STK3: variants seen among roughly 807,000 people sequenced by gnomAD.
STK3 encodes serine/threonine kinase 3.
STK3 carries 41 observed loss-of-function variants against 58.0 expected under a neutral mutation model. The observed-to-expected ratio is 0.71, with a 90% CI of 0.55 to 0.92. The LOEUF is 0.92. Ranked by LOEUF, STK3 falls within the 40% of genes least tolerant of loss-of-function variation. The pLI, the probability that STK3 is intolerant of heterozygous loss-of-function variation, is 0.00. For synonymous variants in STK3, 170 were observed against 191.0 expected, an observed-to-expected ratio of 0.89 and a Z score of 0.91; for missense variants, 479 against 602.7, an observed-to-expected ratio of 0.79 and a Z score of 2.15.
At chr8:98,645,922 A>C (rs1261733397) in intron 6 of STK3, among the ~76,000 whole-genome samples, 1 of 151,990 alleles carries the variant, frequency 6.6e-6, no homozygotes. Flanking sequence ...CCCACCTCGA[A>C]CTCCCAAAGT....
chr8:98,788,399 C>T (rs912482098), intron 1 of STK3, among the ~76,000 whole-genome samples: 2 of 151,908 alleles, frequency 1.3e-5, no homozygotes, highest in African/African-American at 4.8e-5. Flanking sequence ...GATTATACCA[C>T]TGCACTCCAG....
chr8:98,574,290 G>A (rs1813210942), intron 8 of STK3, among the ~76,000 whole-genome samples: 2 of 152,122 alleles, frequency 1.3e-5, no homozygotes, highest in African/African-American at 2.4e-5. Context: ...ACAAAAGAGG[G>A]ACTGAGACTT....
chr8:98,720,923 C>T (rs767361552), intron 4 of STK3, among the ~76,000 whole-genome samples: 21 of 152,062 alleles, frequency 1.4e-4, no homozygotes, highest in African/African-American at 5.1e-4. Context: ...CAGATACCAG[C>T]CATAAATAGG....
At chr8:98,508,383 A>G (rs956548106) in intron 10 of STK3, among the ~76,000 whole-genome samples, 1 of 152,302 alleles carries the variant, frequency 6.6e-6, no homozygotes, top group Non-Finnish European at 1.5e-5. Flanking sequence ...CTCATATTGT[A>G]TGATTCTACT....
chr8:98,935,459 C>A (rs1405570932), intron 1 of STK3, among the ~76,000 whole-genome samples: 1 of 152,158 alleles, frequency 6.6e-6, no homozygotes, highest in African/African-American at 2.4e-5. Context: ...CCTCATACAT[C>A]AATAGTATCC....
intron 10 of STK3, among the ~76,000 whole-genome samples, chr8:98,503,560 C>G (rs971844686): frequency 6.6e-6 from 1 of 152,204 alleles, no homozygotes; most frequent in Non-Finnish European, 1.5e-5. Context: ...TTTCCCTCTA[C>G]AAACTGCTTT....
At chr8:98,857,959 A>G (rs1836740818) in intron 3 of STK3, among the ~76,000 whole-genome samples, 1 of 152,186 alleles carries the variant, frequency 6.6e-6, no homozygotes, top group Non-Finnish European at 1.5e-5. Context: ...TGAAATATTT[A>G]ACTGGGTGTT....
At chr8:98,651,529 G>T (rs1306631410) in intron 6 of STK3, 1 of 152,278 alleles carries the variant, frequency 6.6e-6, no homozygotes, top group East Asian at 1.9e-4. Flanking sequence ...GGCTTCAGAC[G>T]ATCAAACTAC....
In STK3 at chr8:98,799,587, A is replaced by G. The variant is rs866939579; in HGVS notation, c.27-24768T>C. ...AATGTCTACCTATATCTGCCTCCCCACTAACTGGACCGGCACCTGCACCTT... is the reference window on the plus strand; with the variant it reads ...AATGTCTACCTATATCTGCCTCCCCGCTAACTGGACCGGCACCTGCACCTT... On this transcript the variant is annotated intron_variant, in intron 1 of 10. Coordinates refer to ENST00000419617, the MANE Select transcript of STK3 (RefSeq NM_006281.4). 9.1e-4 allele frequency among the ~76,000 whole-genome samples: 139 copies of G among 152,302 alleles called. 2 individuals are homozygous for G. Among genetic ancestry groups the G allele is most frequent in the African/African-American group, 3.2e-3 (135 of 41,564 alleles).
At chr8:98,597,314 A>G (rs1815912250) in intron 6 of STK3, 8 of 985,448 alleles carry the variant, frequency 8.1e-6, no homozygotes, top group Non-Finnish European at 9.6e-6. Context: ...AAGTCTGTTG[A>G]TTATAGGTTA....
intron 6 of STK3, among the ~76,000 whole-genome samples, chr8:98,696,107 T>A (rs1824893910): frequency 6.6e-6 from 1 of 152,162 alleles, no homozygotes; most frequent in South Asian, 2.1e-4. Context: ...TTCCCAGGTA[T>A]TTTATTCTCT....
chr8:98,768,231 A>G (rs1461437444), intron 2 of STK3, among the ~76,000 whole-genome samples: 1 of 152,222 alleles, frequency 6.6e-6, no homozygotes, highest in Non-Finnish European at 1.5e-5. Context: ...TATCGTCATT[A>G]AAAGATGAGA....
intron 3 of STK3, among the ~76,000 whole-genome samples, chr8:98,861,488 C>T (rs1173099042): frequency 6.6e-6 from 1 of 151,462 alleles, no homozygotes; most frequent in Admixed American, 6.6e-5. Flanking sequence ...GCTGGGACTA[C>T]AGGCGCACGC....
intron 3 of STK3, among the ~76,000 whole-genome samples, chr8:98,419,646 T>G (rs1444912930): frequency 6.6e-6 from 1 of 152,224 alleles, no homozygotes. Context: ...AGGACTTTCC[T>G]GTGCCCCCTG....
At chr8:98,572,377 TA>T (rs1028167058) in intron 8 of STK3, among the ~76,000 whole-genome samples, 16 of 152,308 alleles carry the variant, frequency 1.1e-4, no homozygotes, top group Admixed American at 2.0e-4. Context: ...TTATAAAAAA[TA>T]TTTTACTTTT....
intron 4 of STK3, among the ~76,000 whole-genome samples, chr8:98,724,086 C>A (rs1414578917): frequency 6.6e-6 from 1 of 152,132 alleles, no homozygotes; most frequent in African/African-American, 2.4e-5. Context: ...TCATGACACT[C>A]AGAATTTTGT....
chr8:98,498,148 T>A lies in STK3; in HGVS notation c.1317+28594A>T, dbSNP rs575649846. ...TGGGTTGTTTCTACCTTTTTTTTTT[T>A]AAAAGCTATTATGAATAATGCTGCA... On this transcript the variant is annotated intron_variant, in intron 10 of 10. Coordinates refer to ENST00000419617, the MANE Select transcript of STK3 (RefSeq NM_006281.4). 9.1e-4 allele frequency among the ~76,000 whole-genome samples: 139 copies of A among 152,114 alleles called. 2 individuals are homozygous for A. Among genetic ancestry groups the A allele is most frequent in the African/African-American group, 2.1e-3 (88 of 41,512 alleles).
At chr8:98,423,411 G>A (rs1818194481) in intron 3 of STK3, among the ~76,000 whole-genome samples, 1 of 152,264 alleles carries the variant, frequency 6.6e-6, no homozygotes, top group Admixed American at 6.5e-5. Context: ...TGCGGCTGGA[G>A]CACAGCTGGT....
chr8:98,837,676 C>T (rs922593652), intron 3 of STK3, among the ~76,000 whole-genome samples: 1 of 152,126 alleles, frequency 6.6e-6, no homozygotes, highest in Admixed American at 6.6e-5. Flanking sequence ...ATCTGTAATC[C>T]CAGAGCTTTG....
Sources: allele counts gnomAD v4.1 joint callset (sites outside exome capture counted in the v4.1 genomes callset), GRCh38; gene constraint gnomAD v4.1.1; transcripts MANE v1.5; gene names NCBI Gene and HGNC (gene_info 2026-07-23, HGNC 2026-07-21).